The following TMEM232 variants were observed in gnomAD, a reference collection of about 807,000 sequenced individuals.
The protein encoded by TMEM232 is transmembrane protein 232.
Under a neutral mutation model 78.8 loss-of-function variants are expected in TMEM232, and 80 were observed. The observed-to-expected ratio is 1.01, with a 90% CI of 0.85 to 1.22. TMEM232 has a LOEUF of 1.22. Among genes scored for constraint, TMEM232 ranks in the 50% most tolerant of loss-of-function variants. The pLI is 0.00. For synonymous variants in TMEM232, 297 were observed against 254.3 expected, an observed-to-expected ratio of 1.17 and a Z score of -1.60; for missense variants, 881 against 742.2, an observed-to-expected ratio of 1.19 and a Z score of -2.17.
intron 12 of TMEM232, among the ~76,000 whole-genome samples, chr5:110,435,271 T>TTAAG (rs1324987257): frequency 2.0e-5 from 3 of 151,818 alleles, no homozygotes; most frequent in Non-Finnish European, 4.4e-5. Context: ...AGTGTTTACT[T>TTAAG]TAAGTTTTTT....
intron 13 of TMEM232, among the ~76,000 whole-genome samples, chr5:110,422,764 A>AT (rs1267543754): frequency 6.6e-6 from 1 of 152,108 alleles, no homozygotes; most frequent in Non-Finnish European, 1.5e-5. Context: ...CCTTCTTTTC[A>AT]TTAGGCTTAG....
chr5:110,567,177 T>G (rs1422537201), intron 11 of TMEM232, among the ~76,000 whole-genome samples: 1 of 151,800 alleles, frequency 6.6e-6, no homozygotes, highest in Non-Finnish European at 1.5e-5. Flanking sequence ...TGAGATTGGG[T>G]GGGGTCACAG....
intron 1 of TMEM232, among the ~76,000 whole-genome samples, chr5:110,719,703 G>A (rs1291468470): frequency 1.2e-4 from 18 of 152,066 alleles, no homozygotes; most frequent in Admixed American, 1.2e-3. Context: ...ACTCTGTGAA[G>A]CTTTTGATGC....
intron 1 of TMEM232, among the ~76,000 whole-genome samples, chr5:110,674,961 A>C (rs534837950): frequency 2.0e-5 from 3 of 152,220 alleles, no homozygotes; most frequent in African/African-American, 7.2e-5. Context: ...ATTTACAAGT[A>C]TAATTAGCTC....
intron 10 of TMEM232, among the ~76,000 whole-genome samples, chr5:110,599,214 A>C (rs541712197): frequency 3.1e-3 from 476 of 152,174 alleles, no homozygotes; most frequent in Non-Finnish European, 5.3e-3. Context: ...CCCTGCAAAA[A>C]CATGCCAAAA....
At chr5:110,673,147 T>C (rs1379677772) in intron 1 of TMEM232, among the ~76,000 whole-genome samples, 1 of 152,162 alleles carries the variant, frequency 6.6e-6, no homozygotes, top group East Asian at 1.9e-4. Flanking sequence ...GTTCATGTCC[T>C]TTGTAGGGAC....
intron 10 of TMEM232, among the ~76,000 whole-genome samples, chr5:110,591,975 A>G (rs528907637): frequency 6.6e-6 from 1 of 152,276 alleles, no homozygotes; most frequent in East Asian, 1.9e-4. Context: ...GGTCCTGTGG[A>G]ACTGGGCTTT....
chr5:110,454,284 TA>T (rs1391012405), intron 12 of TMEM232, among the ~76,000 whole-genome samples: 4 of 151,748 alleles, frequency 2.6e-5, no homozygotes, highest in East Asian at 1.9e-4. Flanking sequence ...TTTAAACAAA[TA>T]AAAAAATCAC....
intron 12 of TMEM232, among the ~76,000 whole-genome samples, chr5:110,500,673 A>C (rs1047632991): frequency 3.3e-5 from 5 of 152,108 alleles, no homozygotes; most frequent in African/African-American, 1.2e-4. Flanking sequence ...AAAAATAAAT[A>C]AAAGACAATA....
In TMEM232 at chr5:110,618,428, C is replaced by A; in HGVS notation, c.902+1G>T. 1 of 1,550,412 alleles carries A rather than the reference C, an allele frequency of 6.4e-7. No homozygotes were observed. The highest frequency in any genetic ancestry group is 8.7e-7 in the Non-Finnish European group (1 of 1,146,552). ...CTTTGGATTTATAGGATCACTCTTA[C>A]CAGCATTTCTTTTGAAGCTGTGTCT... On this transcript the variant is annotated splice_donor_variant, in intron 8 of 13. Coordinates refer to ENST00000455884, the MANE Select transcript of TMEM232 (RefSeq NM_001039763.4). LOFTEE classifies it high-confidence loss of function.
Position 110,709,281 on chromosome 5 carries a change from T to G in TMEM232, c.-13+17346A>C, listed in dbSNP as rs547726498. ...AGAGAAATAGATCTCAGCGAATGAA[T>G]AGCTGGAGACTTCAATACCCCACTT... is the stretch of plus-strand genomic sequence containing the variant. On this transcript the variant is annotated intron_variant, in intron 1 of 13. Transcript: ENST00000455884. Among the ~76,000 whole-genome samples, 22 of 152,254 alleles carry G rather than the reference T, an allele frequency of 1.4e-4. No homozygotes were observed. In the South Asian group the frequency reaches 3.7e-3, roughly 26 times the overall value.
chr5:110,464,911 C>T (rs1425794978), intron 12 of TMEM232, among the ~76,000 whole-genome samples: 2 of 152,096 alleles, frequency 1.3e-5, no homozygotes, highest in Non-Finnish European at 2.9e-5. Context: ...TTTCTAAGAA[C>T]CTTGAGACAG....
At chr5:110,411,614 T>A (rs767731070) in intron 2 of TMEM232, among the ~76,000 whole-genome samples, 6 of 152,150 alleles carry the variant, frequency 3.9e-5, no homozygotes, top group Non-Finnish European at 7.4e-5. Flanking sequence ...TACCTCCCCA[T>A]CTCCTGAAAC....
chr5:110,640,203 T>C lies in TMEM232; in HGVS notation c.343+688A>G, dbSNP rs142624285. On this transcript the variant is annotated intron_variant, in intron 4 of 13. Transcript: ENST00000455884. ...TGGATGGCACTGTGATGAAGGACCA[T>C]AAAGGCAAGTTAAATACAAAATAAT... Among the ~76,000 whole-genome samples the C allele has an allele frequency of 3.3e-5, 5 of 152,320 alleles. No homozygotes were observed. In the East Asian group the frequency reaches 9.6e-4, roughly 29 times the overall value.
chr5:110,559,788 T>C (rs577212518), intron 11 of TMEM232, among the ~76,000 whole-genome samples: 2 of 152,280 alleles, frequency 1.3e-5, no homozygotes, highest in African/African-American at 4.8e-5. Flanking sequence ...GTTAGGAGTC[T>C]GAAATGAAGG....
At chr5:110,460,744 C>T (rs1475100153) in intron 12 of TMEM232, among the ~76,000 whole-genome samples, 2 of 151,330 alleles carry the variant, frequency 1.3e-5, no homozygotes, top group Non-Finnish European at 2.9e-5. Context: ...CATTTTCCAA[C>T]AGCATGTGCG....
intron 2 of TMEM232, among the ~76,000 whole-genome samples, chr5:110,654,782 A>C (rs1788804748): frequency 6.6e-6 from 1 of 152,214 alleles, no homozygotes; most frequent in East Asian, 1.9e-4. Flanking sequence ...ACCCATGAGC[A>C]TGGAATGTTC....
intron 12 of TMEM232, among the ~76,000 whole-genome samples, chr5:110,444,394 C>T (rs891573019): frequency 2.0e-5 from 3 of 152,046 alleles, no homozygotes; most frequent in African/African-American, 7.2e-5. Context: ...CTGAGCTCTC[C>T]CTCCCCCAAG....
intron 12 of TMEM232, among the ~76,000 whole-genome samples, chr5:110,519,218 T>C (rs969756142): frequency 6.6e-6 from 1 of 152,160 alleles, no homozygotes; most frequent in African/African-American, 2.4e-5. Context: ...ATTGATATTC[T>C]AGATGATTTT....
Sources: allele counts gnomAD v4.1 joint callset (sites outside exome capture counted in the v4.1 genomes callset), GRCh38; gene constraint gnomAD v4.1.1; transcripts MANE v1.5; gene names NCBI Gene and HGNC (gene_info 2026-07-23, HGNC 2026-07-21).